The following SLC15A1 variants were observed in gnomAD, a reference collection of about 807,000 sequenced individuals.
SLC15A1 encodes solute carrier family 15 member 1.
A neutral mutation model predicts 92.9 loss-of-function variants in SLC15A1; 83 were observed. The ratio of observed to expected loss-of-function variants is 0.89; its 90% CI spans 0.75 to 1.07. The LOEUF is 1.07. Ranked by LOEUF, SLC15A1 falls within the 50% of genes least tolerant of loss-of-function variation. SLC15A1 has a pLI of 0.00. For missense variants in SLC15A1, 857 were observed against 880.1 expected (o/e 0.97, Z 0.33); for synonymous variants, 322 against 318.2 (o/e 1.01, Z -0.13).
At chr13:98,745,029 C>G (rs2088481610) in intron 1 of SLC15A1, among the ~76,000 whole-genome samples, 1 of 152,034 alleles carries the variant, frequency 6.6e-6, no homozygotes, top group Non-Finnish European at 1.5e-5. Context: ...AAAAGTGAAA[C>G]ACTGCACATG....
intron 1 of SLC15A1, among the ~76,000 whole-genome samples, chr13:98,740,290 A>G (rs1190477137): frequency 6.6e-6 from 1 of 152,174 alleles, no homozygotes; most frequent in African/African-American, 2.4e-5. Flanking sequence ...GTCCAGGGTC[A>G]CCCGCTGTGC....
intron 1 of SLC15A1, among the ~76,000 whole-genome samples, chr13:98,729,656 T>C (rs780857890): frequency 1.1e-4 from 16 of 152,192 alleles, no homozygotes; most frequent in Non-Finnish European, 2.2e-4. Flanking sequence ...CCCACATCGT[T>C]TCCCTCTGGG....
At chr13:98,737,802 G>C (rs919318769) in intron 1 of SLC15A1, among the ~76,000 whole-genome samples, 1 of 152,212 alleles carries the variant, frequency 6.6e-6, no homozygotes, top group Non-Finnish European at 1.5e-5. Context: ...GCTTTGGAAC[G>C]GGCATAGGTC....
At position 98,705,617 on chromosome 13, in the gene SLC15A1, T is replaced by C. The variant is rs150526698; in HGVS notation, c.1269+517A>G. ...ATTAAAAATCTGCATTTTGGCTGGG[T>C]ATGGTGGCTCACACCTGTAATCCCA... is the stretch of plus-strand genomic sequence containing the variant. On this transcript the variant is annotated intron_variant, in intron 16 of 22. Transcript: ENST00000376503. 7.9e-3 allele frequency among the ~76,000 whole-genome samples: 1,206 copies of C among 152,158 alleles called. 49 individuals carry two copies. In the East Asian group the frequency reaches 0.1, roughly 13 times the overall value.
intron 4 of SLC15A1, among the ~76,000 whole-genome samples, chr13:98,725,132 C>G (rs1179533979): frequency 6.6e-6 from 1 of 152,204 alleles, no homozygotes; most frequent in Non-Finnish European, 1.5e-5. Context: ...CTGCACATGC[C>G]AGCTCTCCTT....
intron 15 of SLC15A1, 140 bp downstream of exon 15, chr13:98,708,546 A>C: frequency 1.6e-6 from 1 of 616,094 alleles, no homozygotes. Flanking sequence ...GGTGCCTCCC[A>C]CTGCCCACAG....
At chr13:98,712,059 C>T (rs970488043) in intron 10 of SLC15A1, 116 bp from the exon 11 acceptor site, 2 of 735,098 alleles carry the variant, frequency 2.7e-6, no homozygotes, top group African/African-American at 1.7e-5. Context: ...TAGAGGCAAG[C>T]TGGGAGGTGA....
chr13:98,712,345 A>C (rs1289394), intron 10 of SLC15A1, among the ~76,000 whole-genome samples, 153 bp downstream of exon 10: 3,769 of 152,324 alleles, frequency 0.025, 149 homozygotes, highest in East Asian at 0.1. Context: ...TCAATTAAAA[A>C]AATGCACTCA....
intron 15 of SLC15A1, among the ~76,000 whole-genome samples, chr13:98,707,504 G>A (rs1395091815): frequency 1.3e-5 from 2 of 152,178 alleles, no homozygotes; most frequent in Admixed American, 6.5e-5. Flanking sequence ...AAGGGGAAAT[G>A]GGAGTTGTTT....
At chr13:98,707,226 A>G (rs867425735) in intron 15 of SLC15A1, among the ~76,000 whole-genome samples, 2 of 152,224 alleles carry the variant, frequency 1.3e-5, no homozygotes, top group Non-Finnish European at 2.9e-5. Context: ...ACTGTTTGCA[A>G]TAGCCAAAAG....
intron 18 of SLC15A1, among the ~76,000 whole-genome samples, chr13:98,689,456 CTT>C (rs1322007755): frequency 2.0e-5 from 3 of 151,686 alleles, no homozygotes; most frequent in Non-Finnish European, 4.4e-5. Flanking sequence ...TTTTTTCAGT[CTT>C]TTTTAGAGAT....
chr13:98,694,932 G>T (rs2088009200), intron 18 of SLC15A1, among the ~76,000 whole-genome samples: 1 of 148,808 alleles, frequency 6.7e-6, no homozygotes, highest in Admixed American at 6.9e-5. Flanking sequence ...GGAGGCTGAG[G>T]CAGGGGAACC....
Position 98,744,476 on chromosome 13 carries a change from T to C in SLC15A1, c.4+8119A>G, listed in dbSNP as rs142181843. On this transcript the variant is annotated intron_variant, in intron 1 of 22. Coordinates refer to ENST00000376503, the MANE Select transcript of SLC15A1 (RefSeq NM_005073.4). ...GATTAAAAGTAATGGCAAAGCCGGG[T>C]GCGGTGGCTCACGCCTGTAATCCCA... Among the ~76,000 whole-genome samples the C allele has an allele frequency of 9.4e-3, 1,417 of 150,804 alleles. 54 individuals carry two copies. Among genetic ancestry groups the C allele is most frequent in the Admixed American group, 0.058 (872 of 15,152 alleles).
intron 18 of SLC15A1, among the ~76,000 whole-genome samples, chr13:98,697,056 T>C (rs1358792518): frequency 1.3e-5 from 2 of 152,092 alleles, no homozygotes; most frequent in Non-Finnish European, 2.9e-5. Context: ...TTAATTTCTT[T>C]TCTTTTTTTT....
Position 98,708,758 on chromosome 13 carries a change from C to T in SLC15A1, c.1077G>A (p.Lys359=). 1 of 1,611,024 alleles carries T rather than the reference C, an allele frequency of 6.2e-7. No individual in the cohort carries two copies. The highest frequency in any genetic ancestry group is 1.7e-5 in the Admixed American group (1 of 59,438). ...AKCGFNFTSL[K]KMAVGMVLAS... ...CCAGGACCATGCCAACTGCCATCTT[C>T]TTCAAGGAGCTGATGGCACAAGAGA... The change falls in exon 15 of 23, where the codon AAG becomes AAA. Residue 359 remains lysine, a synonymous_variant. Coordinates refer to ENST00000376503, the MANE Select transcript of SLC15A1 (RefSeq NM_005073.4).
chr13:98,729,051 T>C (rs1167467422), intron 1 of SLC15A1, among the ~76,000 whole-genome samples: 1 of 137,606 alleles, frequency 7.3e-6, no homozygotes, highest in East Asian at 2.2e-4. Context: ...ATAGCAGATC[T>C]GGAATGTTCT....
chr13:98,705,634 G>A (rs1593988077), intron 16 of SLC15A1, among the ~76,000 whole-genome samples: 2 of 152,288 alleles, frequency 1.3e-5, no homozygotes, highest in South Asian at 4.2e-4. Context: ...GCTCACACCT[G>A]TAATCCCAAC....
rs544308356 is a variant in SLC15A1, at chr13:98,721,993, A to T, written c.366-90T>A. On this transcript the variant is annotated intron_variant, in intron 5 of 22. Transcript: ENST00000376503. ...CCCAGTTTCCCTCAGTGGGCCTGGCATAGTGACACACATAGAGAAGAAGAC... is the reference window on the plus strand; with the variant it reads ...CCCAGTTTCCCTCAGTGGGCCTGGCTTAGTGACACACATAGAGAAGAAGAC... 3.1e-5 allele frequency: 31 copies of T among 993,110 alleles called. 2 individuals carry two copies. The South Asian group carries it at 4.9e-4, about 16-fold the overall frequency. The allele number at this position is 993,110 out of a possible 1,614,324, so 61.5% of individuals were successfully genotyped here.
chr13:98,704,721 C>T (rs1298794309), intron 16 of SLC15A1, among the ~76,000 whole-genome samples: 1 of 152,162 alleles, frequency 6.6e-6, no homozygotes, highest in East Asian at 1.9e-4. Flanking sequence ...ATAATTTCTA[C>T]TGTTAGGCAA....
Sources: allele counts gnomAD v4.1 joint callset (sites outside exome capture counted in the v4.1 genomes callset), GRCh38; gene constraint gnomAD v4.1.1; transcripts MANE v1.5; gene names NCBI Gene and HGNC (gene_info 2026-07-23, HGNC 2026-07-21).